The following VPS4B variants were observed in gnomAD, a reference collection of about 807,000 sequenced individuals.
VPS4B encodes vacuolar protein sorting-associated protein 4B.
VPS4B carries 23 observed loss-of-function variants against 56.1 expected under a neutral mutation model. That is an observed-to-expected ratio of 0.41 (90% CI 0.30 to 0.58). The LOEUF (loss-of-function observed/expected upper bound fraction) is 0.58. VPS4B is among the 20% of genes least tolerant of loss of function. The pLI is 0.29. For missense variants in VPS4B, 372 were observed against 531.9 expected, an observed-to-expected ratio of 0.70 and a Z score of 2.96; for synonymous variants, 177 against 186.0, an observed-to-expected ratio of 0.95 and a Z score of 0.39.
chr18:63,412,871 G>A lies in VPS4B; in HGVS notation c.28-1293C>T, dbSNP rs541205312. Among the ~76,000 whole-genome samples, 12 of 151,974 alleles carry A rather than the reference G, an allele frequency of 7.9e-5. No individual in the cohort carries two copies. In the East Asian group the frequency reaches 1.2e-3, roughly 15 times the overall value. On this transcript the variant is annotated intron_variant, in intron 1 of 10. Coordinates refer to ENST00000238497, the MANE Select transcript of VPS4B (RefSeq NM_004869.4). ...TGGAAAACTTAGGATCTGGGGATGC[G>A]CAGAGTTCTTAGATTTGACATCAAA...
intron 10 of VPS4B, among the ~76,000 whole-genome samples, chr18:63,392,892 T>G (rs1056505509): frequency 1.3e-4 from 20 of 152,062 alleles, no homozygotes; most frequent in African/African-American, 4.8e-4. Flanking sequence ...ATTGCAGGTG[T>G]GCACCACACT....
At chr18:63,396,834 C>T in intron 9 of VPS4B, 200 bp downstream of exon 9, 1 of 543,828 alleles carries the variant, frequency 1.8e-6, no homozygotes, top group Non-Finnish European at 3.2e-6. Context: ...ACTAAAAATA[C>T]AAAAAATTAG....
intron 9 of VPS4B, among the ~76,000 whole-genome samples, chr18:63,395,829 G>T (rs1003798423): frequency 6.6e-6 from 1 of 152,176 alleles, no homozygotes; most frequent in Non-Finnish European, 1.5e-5. Context: ...AGACAAAACA[G>T]AACACAGGAG....
chr18:63,412,861 C>T (rs945854632), intron 1 of VPS4B, among the ~76,000 whole-genome samples: 1 of 151,824 alleles, frequency 6.6e-6, no homozygotes, highest in Non-Finnish European at 1.5e-5. Flanking sequence ...AACTTAGGAT[C>T]TGGGGATGCG....
At chr18:63,391,230 C>CTT (rs11425099) in intron 10 of VPS4B, among the ~76,000 whole-genome samples, 154 bp from the exon 11 acceptor site, 4,981 of 141,482 alleles carry the variant, frequency 0.035, 120 homozygotes, top group East Asian at 0.063. Context: ...ACTCCCTATT[C>CTT]TTTTTTTTTT....
rs373749417 is a variant in VPS4B, at chr18:63,421,677, G to A, written c.27+556C>T. On this transcript the variant is annotated intron_variant, in intron 1 of 10. Transcript: ENST00000238497. ...GGAGGGGAAGTGGAGCCACACAGAG[G>A]TTTAAGAATACTCCTCGATCTTACA... Among the ~76,000 whole-genome samples the A allele has an allele frequency of 5.3e-5, 8 of 152,112 alleles. No individual in the cohort carries two copies. In the East Asian group the frequency reaches 7.7e-4, roughly 15 times the overall value.
Position 63,422,327 on chromosome 18 carries a change from C to G in VPS4B, c.-68G>C. On this transcript the variant is annotated 5_prime_UTR_variant, in exon 1 of 11. Transcript: ENST00000238497. ...AGAGCCAACAGCAGCAACGTCGAAG[C>G]GCGCACGGGGTAACAGCCCTCAAAC... 3 of 1,410,434 alleles carry G rather than the reference C, an allele frequency of 2.1e-6. No individual in the cohort carries two copies. Among genetic ancestry groups the G allele is most frequent in the Non-Finnish European group, 2.8e-6 (3 of 1,069,962 alleles). 87.4% of individuals were successfully genotyped at this position (1,410,434 alleles called of 1,614,324 possible). A position where few individuals can be genotyped will look rare whatever the true frequency, so the allele number is the denominator to read the frequency against.
intron 9 of VPS4B, among the ~76,000 whole-genome samples, chr18:63,396,007 C>A (rs1345905013): frequency 1.3e-5 from 2 of 152,012 alleles, no homozygotes; most frequent in African/African-American, 2.4e-5. Flanking sequence ...TTGTGAAGAC[C>A]AAATGAAATA....
intron 1 of VPS4B, among the ~76,000 whole-genome samples, chr18:63,420,040 C>T (rs9952790): frequency 0.026 from 3,986 of 152,302 alleles, 170 homozygotes; most frequent in African/African-American, 0.092. Context: ...GAACCTACCA[C>T]TAACAAAATT....
chr18:63,408,566 C>T (rs563839652), intron 3 of VPS4B, among the ~76,000 whole-genome samples: 1 of 152,308 alleles, frequency 6.6e-6, no homozygotes, highest in East Asian at 1.9e-4. Flanking sequence ...CACAAGGAGA[C>T]AGAATCTTCA....
chr18:63,391,155 G>T, intron 10 of VPS4B, 79 bp from the exon 11 acceptor site: 2 of 911,010 alleles, frequency 2.2e-6, no homozygotes, highest in Non-Finnish European at 3.5e-6. Flanking sequence ...TATCATTATT[G>T]CTATGAACTT....
At chr18:63,404,443 CAA>C (rs1346426551) in intron 4 of VPS4B, 3 of 152,042 alleles carry the variant, frequency 2.0e-5, no homozygotes, top group Non-Finnish European at 4.4e-5. Flanking sequence ...AAGATTTGCC[CAA>C]GTTTCTATTT....
intron 8 of VPS4B, among the ~76,000 whole-genome samples, chr18:63,399,019 GA>G (rs1915750776): frequency 6.6e-6 from 1 of 152,116 alleles, no homozygotes; most frequent in South Asian, 2.1e-4. Flanking sequence ...TTTCTAATAT[GA>G]AAGACAGAAG....
intron 4 of VPS4B, among the ~76,000 whole-genome samples, chr18:63,404,144 A>G (rs1436069482): frequency 6.6e-6 from 1 of 152,220 alleles, no homozygotes; most frequent in Non-Finnish European, 1.5e-5. Context: ...GACATAATGA[A>G]TATTAGAGTG....
At chr18:63,416,455 T>G (rs1916165455) in intron 1 of VPS4B, 1 of 152,936 alleles carries the variant, frequency 6.5e-6, no homozygotes, top group African/African-American at 2.4e-5. Flanking sequence ...TCTGCTCTGG[T>G]CCATCAAACA....
At chr18:63,411,309 CA>C (rs1249397871) in intron 2 of VPS4B, among the ~76,000 whole-genome samples, 157 bp downstream of exon 2, 1 of 151,800 alleles carries the variant, frequency 6.6e-6, no homozygotes, top group African/African-American at 2.4e-5. Context: ...AGCTACATCT[CA>C]ATACTTAAAA....
intron 1 of VPS4B, among the ~76,000 whole-genome samples, chr18:63,420,404 C>T (rs146459750): frequency 0.01 from 1,556 of 152,096 alleles, 21 homozygotes; most frequent in African/African-American, 0.036. Context: ...GCCAAGATCA[C>T]GCCACTGCAC....
At chr18:63,411,274 A>G (rs1916034936) in intron 2 of VPS4B, among the ~76,000 whole-genome samples, 193 bp downstream of exon 2, 1 of 152,246 alleles carries the variant, frequency 6.6e-6, no homozygotes, top group African/African-American at 2.4e-5. Context: ...ACAAAGTAAT[A>G]ACTATGATGG....
At chr18:63,392,150 A>C (rs1486215184) in intron 10 of VPS4B, among the ~76,000 whole-genome samples, 1 of 152,234 alleles carries the variant, frequency 6.6e-6, no homozygotes, top group African/African-American at 2.4e-5. Flanking sequence ...GGAAGTTACT[A>C]TTAAACCTGC....
Sources: allele counts gnomAD v4.1 joint callset (sites outside exome capture counted in the v4.1 genomes callset), GRCh38; gene constraint gnomAD v4.1.1; transcripts MANE v1.5; gene names NCBI Gene and HGNC (gene_info 2026-07-23, HGNC 2026-07-21).